Variants in KIAA1328 observed in about 807,000 individuals in gnomAD.
The protein encoded by KIAA1328 is KIAA1328.
Under a neutral mutation model 68.1 loss-of-function variants are expected in KIAA1328, and 52 were observed. That is an observed-to-expected ratio of 0.76 (90% confidence interval 0.61 to 0.96). The LOEUF is 0.96. Ranked by LOEUF, KIAA1328 falls within the 40% of genes least tolerant of loss-of-function variation. The probability of loss-of-function intolerance (pLI) is 0.00; values close to 1 mark genes in which losing one functional copy is unlikely to be tolerated. For missense variants in KIAA1328, 641 were observed against 677.6 expected (o/e 0.95, Z 0.60); for synonymous variants, 232 against 239.4 (o/e 0.97, Z 0.28).
At chr18:37,212,328 A>C (rs981396080) in intron 9 of KIAA1328, among the ~76,000 whole-genome samples, 1 of 152,240 alleles carries the variant, frequency 6.6e-6, no homozygotes, top group African/African-American at 2.4e-5. Flanking sequence ...TCTGCCAGAA[A>C]GGATTTGAAT....
chr18:37,115,130 T>C (rs1003922812), intron 7 of KIAA1328, among the ~76,000 whole-genome samples: 11 of 152,168 alleles, frequency 7.2e-5, no homozygotes, highest in African/African-American at 2.2e-4. Flanking sequence ...TTCCAATTAA[T>C]AGAAAAAGAG....
intron 7 of KIAA1328, among the ~76,000 whole-genome samples, chr18:37,138,650 G>A (rs981893653): frequency 6.6e-6 from 1 of 151,808 alleles, no homozygotes; most frequent in South Asian, 2.1e-4. Context: ...TCCTCTTCTT[G>A]CAAGCTTCCT....
At chr18:36,909,279 C>T (rs973515718) in intron 5 of KIAA1328, among the ~76,000 whole-genome samples, 8 of 149,894 alleles carry the variant, frequency 5.3e-5, no homozygotes, top group African/African-American at 9.9e-5. Flanking sequence ...CTATCCCTCC[C>T]GCCTCCCCCC....
At chr18:36,939,755 G>A (rs1242191819) in intron 5 of KIAA1328, among the ~76,000 whole-genome samples, 5 of 151,962 alleles carry the variant, frequency 3.3e-5, no homozygotes, top group African/African-American at 7.2e-5. Flanking sequence ...TTGTGTTGAG[G>A]TACATGTTTT....
At chr18:37,110,456 A>G (rs890187609) in intron 7 of KIAA1328, among the ~76,000 whole-genome samples, 8 of 152,210 alleles carry the variant, frequency 5.3e-5, no homozygotes, top group Admixed American at 3.3e-4. Flanking sequence ...CAATTTATTT[A>G]TTCTTGTTTT....
chr18:36,841,799 A>C (rs1013545964), intron 3 of KIAA1328, among the ~76,000 whole-genome samples: 11 of 152,234 alleles, frequency 7.2e-5, no homozygotes, highest in African/African-American at 2.7e-4. Context: ...GCCCTGTCCT[A>C]CAGTGTAAAT....
At chr18:37,157,579 G>A (rs945661316) in intron 7 of KIAA1328, among the ~76,000 whole-genome samples, 31 of 151,810 alleles carry the variant, frequency 2.0e-4, no homozygotes, top group Admixed American at 1.2e-3. Context: ...TTGGGAGGCC[G>A]AGTGGGCAGA....
At chr18:36,948,330 C>T (rs370243874) in intron 5 of KIAA1328, among the ~76,000 whole-genome samples, 3 of 142,536 alleles carry the variant, frequency 2.1e-5, no homozygotes, top group Admixed American at 7.3e-5. Context: ...GGTGCGATCT[C>T]GGCTCACTGC....
At chr18:36,975,374 G>A (rs2052425636) in intron 6 of KIAA1328, among the ~76,000 whole-genome samples, 1 of 151,826 alleles carries the variant, frequency 6.6e-6, no homozygotes, top group South Asian at 2.1e-4. Context: ...AGTAGAGACG[G>A]GGTTTCACCG....
At chr18:37,130,384 C>T (rs2058493341) in intron 7 of KIAA1328, among the ~76,000 whole-genome samples, 1 of 152,160 alleles carries the variant, frequency 6.6e-6, no homozygotes, top group African/African-American at 2.4e-5. Context: ...CTTTGGGAGG[C>T]CGAGGCAGGC....
intron 9 of KIAA1328, among the ~76,000 whole-genome samples, chr18:37,192,247 A>G (rs1568516925): frequency 6.6e-6 from 1 of 151,690 alleles, no homozygotes; most frequent in Non-Finnish European, 1.5e-5. Flanking sequence ...TCTCTGTGAT[A>G]GGTTTGTATT....
At chr18:37,153,649 T>TTC (rs1568472497) in intron 7 of KIAA1328, among the ~76,000 whole-genome samples, 3 of 145,908 alleles carry the variant, frequency 2.1e-5, no homozygotes, top group African/African-American at 5.1e-5. Flanking sequence ...TTTTTTTTTT[T>TTC]CCCAATACAA....
intron 5 of KIAA1328, chr18:36,923,729 A>G (rs928122988): frequency 2.0e-5 from 3 of 152,210 alleles, no homozygotes; most frequent in Non-Finnish European, 4.4e-5. Context: ...ATATGTGACA[A>G]TTTAAATTTA....
chr18:37,062,855 A>G lies in KIAA1328; in HGVS notation c.577-4035A>G, dbSNP rs572144826. ...TCAAATTGCTTAGGCAATTTGAGTA[A>G]TGTGCTGTATTAGTTTTATAGTGCC... On this transcript the variant is annotated intron_variant, in intron 6 of 9. Coordinates refer to ENST00000280020, the MANE Select transcript of KIAA1328 (RefSeq NM_020776.3). Among the ~76,000 whole-genome samples, 31 of 152,212 alleles carry G rather than the reference A, an allele frequency of 2.0e-4. No homozygotes were observed. In the East Asian group the frequency reaches 5.8e-3, roughly 28 times the overall value.
chr18:37,143,855 TTA>T (rs1277365067), intron 7 of KIAA1328, among the ~76,000 whole-genome samples: 2 of 152,146 alleles, frequency 1.3e-5, no homozygotes, highest in African/African-American at 4.8e-5. Flanking sequence ...TAAGCCAATG[TTA>T]TATTTTGAAA....
At chr18:37,109,334 G>A (rs2151897109) in intron 7 of KIAA1328, among the ~76,000 whole-genome samples, 1 of 152,236 alleles carries the variant, frequency 6.6e-6, no homozygotes, top group South Asian at 2.1e-4. Context: ...TTTGTTAATT[G>A]TAGATTGATG....
intron 6 of KIAA1328, among the ~76,000 whole-genome samples, chr18:37,017,606 A>G (rs1598982957): frequency 6.6e-6 from 1 of 152,058 alleles, no homozygotes; most frequent in East Asian, 1.9e-4. Flanking sequence ...AAGTTTTTTC[A>G]TAGGTTTAGA....
chr18:36,887,748 A>C (rs1232114106), intron 5 of KIAA1328, among the ~76,000 whole-genome samples: 1 of 152,206 alleles, frequency 6.6e-6, no homozygotes, highest in Non-Finnish European at 1.5e-5. Flanking sequence ...CTGGAAATGA[A>C]TTCAGCCCCC....
chr18:36,836,972 T>C (rs1175387801), intron 3 of KIAA1328, among the ~76,000 whole-genome samples: 1 of 152,162 alleles, frequency 6.6e-6, no homozygotes, highest in East Asian at 1.9e-4. Flanking sequence ...CATTCCTTTT[T>C]ATGTCTGAAT....
Sources: gnomAD v4.1 joint callset for allele counts (sites outside exome capture counted in the v4.1 genomes callset) on GRCh38, gnomAD v4.1.1 for gene constraint, MANE v1.5 for transcripts, NCBI Gene and HGNC (gene_info 2026-07-23, HGNC 2026-07-21) for gene names.